Variants in PDE4D observed in about 807,000 individuals in gnomAD.
PDE4D encodes the protein phosphodiesterase 4D, also known as 3',5'-cyclic-AMP phosphodiesterase 4D.
PDE4D carries 24 observed loss-of-function variants against 87.4 expected under a neutral mutation model. The ratio of observed to expected loss-of-function variants is 0.27; its 90% confidence interval spans 0.20 to 0.39. The LOEUF (loss-of-function observed/expected upper bound fraction) is 0.39, where lower values mean the gene tolerates loss of function less well. Among genes scored for constraint, PDE4D ranks in the 10% least tolerant of loss-of-function variants. PDE4D has a pLI of 1.00. For synonymous variants in PDE4D, 384 were observed against 383.2 expected (o/e 1.00, Z -0.02); for missense variants, 714 against 1,041.0 (o/e 0.69, Z 4.32).
Position 60,381,816 on chromosome 5 carries a change from A to G in PDE4D, c.-90+106126T>C, listed in dbSNP as rs1040092780. Among the ~76,000 whole-genome samples, 37 of 152,186 alleles carry G rather than the reference A, an allele frequency of 2.4e-4. 1 individual carries two copies. The highest frequency in any genetic ancestry group is 1.3e-4 in the Admixed American group (2 of 15,268). On this transcript the variant is annotated intron_variant, in intron 1 of 16. Coordinates refer to the PDE4D transcript ENST00000502484. ...AAAGCCCAGAATGGGAATATAGTTA[A>G]TGGTTAAAACCATGAGAATGAATAA...
At chr5:60,172,351 A>G (rs1246779660) in intron 2 of PDE4D, among the ~76,000 whole-genome samples, 1 of 151,752 alleles carries the variant, frequency 6.6e-6, no homozygotes, top group Non-Finnish European at 1.5e-5. Flanking sequence ...AATACAATAA[A>G]CAAAACCATC....
At chr5:59,544,878 T>G (rs1308259839) in intron 1 of PDE4D, among the ~76,000 whole-genome samples, 1 of 152,244 alleles carries the variant, frequency 6.6e-6, no homozygotes. Context: ...AGGATTAGTT[T>G]ATTTCTTTCA....
At chr5:59,170,376 T>C (rs1782570886) in intron 5 of PDE4D, among the ~76,000 whole-genome samples, 2 of 152,206 alleles carry the variant, frequency 1.3e-5, no homozygotes, top group African/African-American at 2.4e-5. Flanking sequence ...ATAGGCTCAA[T>C]AATCCATAAA....
At chr5:59,415,484 G>T (rs1793442182) in intron 1 of PDE4D, among the ~76,000 whole-genome samples, 1 of 152,008 alleles carries the variant, frequency 6.6e-6, no homozygotes, top group Non-Finnish European at 1.5e-5. Flanking sequence ...CTTGAAAGGG[G>T]GTTAGTATGA....
intron 3 of PDE4D, among the ~76,000 whole-genome samples, chr5:59,911,138 G>C (rs1029827759): frequency 3.3e-5 from 5 of 152,196 alleles, no homozygotes; most frequent in African/African-American, 1.2e-4. Context: ...TTTCTTGCCT[G>C]GGGACCAGAC....
At chr5:59,971,363 A>AAATAAATAAATAAAT (rs1760739092) in intron 3 of PDE4D, among the ~76,000 whole-genome samples, 2 of 145,880 alleles carry the variant, frequency 1.4e-5, no homozygotes, top group East Asian at 2.0e-4. Flanking sequence ...ATAATAATAA[A>AAATAAATAAATAAAT]AAATAAATAA....
At chr5:59,637,668 G>A (rs1017096517) in intron 1 of PDE4D, among the ~76,000 whole-genome samples, 3 of 151,884 alleles carry the variant, frequency 2.0e-5, no homozygotes, top group African/African-American at 7.2e-5. Context: ...ACCAAACACC[G>A]CATGTTCTCA....
chr5:60,346,604 T>A (rs972616282), intron 1 of PDE4D, among the ~76,000 whole-genome samples: 1 of 152,130 alleles, frequency 6.6e-6, no homozygotes, highest in Non-Finnish European at 1.5e-5. Context: ...GGTGAGATAT[T>A]AAGCAACAGC....
chr5:60,050,648 T>C (rs569192550), intron 2 of PDE4D, among the ~76,000 whole-genome samples: 2 of 152,284 alleles, frequency 1.3e-5, no homozygotes, highest in African/African-American at 4.8e-5. Context: ...AATAACCAGC[T>C]AGCATCATAA....
intron 1 of PDE4D, among the ~76,000 whole-genome samples, chr5:59,624,181 T>A (rs1261754124): frequency 1.3e-5 from 2 of 152,182 alleles, no homozygotes; most frequent in South Asian, 2.1e-4. Flanking sequence ...ACTAAATGGA[T>A]CCATGCACGC....
intron 1 of PDE4D, among the ~76,000 whole-genome samples, chr5:60,514,991 A>G (rs1750731696): frequency 6.6e-6 from 1 of 152,172 alleles, no homozygotes; most frequent in Non-Finnish European, 1.5e-5. Flanking sequence ...AGTTTGCTGG[A>G]TAGAAAAATC....
intron 1 of PDE4D, among the ~76,000 whole-genome samples, chr5:59,251,886 C>A (rs1760016598): frequency 6.6e-6 from 1 of 152,014 alleles, no homozygotes; most frequent in African/African-American, 2.4e-5. Flanking sequence ...ATGGATAGAC[C>A]TGGAGGCTAT....
chr5:59,503,817 C>A (rs1048608908), intron 1 of PDE4D, among the ~76,000 whole-genome samples: 5 of 152,094 alleles, frequency 3.3e-5, no homozygotes, highest in African/African-American at 7.2e-5. Context: ...CTCTCCAGAA[C>A]AGTTAAAATG....
At chr5:59,353,044 A>G (rs1002219580) in intron 1 of PDE4D, among the ~76,000 whole-genome samples, 15 of 152,180 alleles carry the variant, frequency 9.9e-5, no homozygotes, top group Admixed American at 9.8e-4. Context: ...GTGGAATGCT[A>G]TGGAATAATC....
chr5:59,180,817 T>C (rs1741348500), intron 4 of PDE4D, among the ~76,000 whole-genome samples, 173 bp from the exon 5 acceptor site: 1 of 152,248 alleles, frequency 6.6e-6, no homozygotes, highest in Non-Finnish European at 1.5e-5. Flanking sequence ...CTTTGTATTA[T>C]GGCTCAGATC....
chr5:59,586,504 CCA>C, intron 1 of PDE4D: 5 of 1,097,430 alleles, frequency 4.6e-6, no homozygotes, highest in South Asian at 3.9e-5. Flanking sequence ...GTATTGAATC[CCA>C]AAAAAAAAAA....
intron 1 of PDE4D, among the ~76,000 whole-genome samples, chr5:59,463,639 C>T (rs1801104216): frequency 2.0e-5 from 3 of 152,178 alleles, no homozygotes; most frequent in African/African-American, 7.2e-5. Context: ...CTAGATAATG[C>T]AAGTGCTCAG....
chr5:59,336,956 A>G (rs1777767356), intron 1 of PDE4D, among the ~76,000 whole-genome samples: 1 of 152,226 alleles, frequency 6.6e-6, no homozygotes, highest in South Asian at 2.1e-4. Flanking sequence ...TGCTCTTGCA[A>G]ATAAAAAACA....
intron 1 of PDE4D, among the ~76,000 whole-genome samples, chr5:59,234,900 T>C (rs1176110693): frequency 8.8e-6 from 1 of 113,918 alleles, no homozygotes; most frequent in Admixed American, 8.1e-5. Context: ...TCAAATCGAG[T>C]TTTTTTTTAA....
Sources: gnomAD v4.1 joint callset for allele counts (sites outside exome capture counted in the v4.1 genomes callset) on GRCh38, gnomAD v4.1.1 for gene constraint, MANE v1.5 for transcripts, NCBI Gene and HGNC (gene_info 2026-07-23, HGNC 2026-07-21) for gene names.